ABCA12: variants seen among roughly 807,000 people sequenced by gnomAD.
ABCA12 encodes the protein ATP binding cassette subfamily A member 12, also known as glucosylceramide transporter ABCA12.
A neutral mutation model predicts 293.5 loss-of-function variants in ABCA12; 156 were observed. That is an observed-to-expected ratio of 0.53 (90% CI 0.47 to 0.61). ABCA12 has a LOEUF of 0.61. ABCA12 is among the 20% of genes least tolerant of loss of function. The probability of loss-of-function intolerance (pLI) is 0.00; values close to 1 mark genes in which losing one functional copy is unlikely to be tolerated. For synonymous variants in ABCA12, 1,063 were observed against 1,108.0 expected, an observed-to-expected ratio of 0.96 and a Z score of 0.81; for missense variants, 2,797 against 3,090.2, an observed-to-expected ratio of 0.91 and a Z score of 2.25.
chr2:214,938,897 T>C (rs1698308261), intron 50 of ABCA12, among the ~76,000 whole-genome samples: 1 of 152,224 alleles, frequency 6.6e-6, no homozygotes, highest in Non-Finnish European at 1.5e-5. Flanking sequence ...TTTTCTCCCG[T>C]TCTGTAGGTT....
chr2:214,978,360 G>T lies in ABCA12; in HGVS notation c.5084C>A (p.Pro1695His), dbSNP rs753583925. ...GCTGCTGCTCACAGATAAATCGTCA[G>T]GAGTTGAGATGCCATTGGCATTGGA... ...GNSNANGIST[P>H]DDLSVSSSNF... Residue 1695 changes from proline (P) to histidine (H), a missense_variant, in exon 33 of 53, where the codon CCT becomes CAT. This residue lies in a region of ABCA12 where 2,130 missense variants were observed against 2,427.0 expected (regional missense o/e 0.88). Transcript: ENST00000272895. The T allele has an allele frequency of 1.2e-6, 2 of 1,614,030 alleles. No homozygotes were observed. Among genetic ancestry groups the T allele is most frequent in the Non-Finnish European group, 1.7e-6 (2 of 1,179,964 alleles).
chr2:214,958,368 A>G lies in ABCA12; in HGVS notation c.6026T>C (p.Val2009Ala). ...TTTGGCTTTGGTTTGATGTTCCCTT[A>G]CAACATAGGTGACAAAGCTGGCGGT... ...VTTASFVTYV[V>A]REHQTKAKQL... is the part of the protein sequence containing the mutation. The change falls in exon 41 of 53, where the codon GTA becomes GCA. Residue 2009 changes from valine to alanine, a missense_variant. Around this residue, in one of 3 missense-constraint regions of ABCA12, gnomAD observed 2,130 missense variants for 2,427.0 expected, o/e 0.88. Transcript: ENST00000272895. 6.2e-7 allele frequency: 1 copy of G among 1,614,042 alleles called. No homozygotes were observed. Among genetic ancestry groups the G allele is most frequent in the East Asian group, 2.2e-5 (1 of 44,870 alleles).
chr2:215,085,902 A>G (rs1308562139), intron 2 of ABCA12, among the ~76,000 whole-genome samples: 1 of 152,236 alleles, frequency 6.6e-6, no homozygotes, highest in Admixed American at 6.5e-5. Context: ...TTCCTAATAT[A>G]AATGAAAAAA....
intron 1 of ABCA12, among the ~76,000 whole-genome samples, chr2:215,113,337 C>G (rs569353024): frequency 6.6e-6 from 1 of 152,306 alleles, no homozygotes; most frequent in South Asian, 2.1e-4. Context: ...CCAAGGAATC[C>G]TGAGGCACTC....
At chr2:215,064,748 A>T (rs1395592296) in intron 2 of ABCA12, among the ~76,000 whole-genome samples, 1 of 151,396 alleles carries the variant, frequency 6.6e-6, no homozygotes, top group African/African-American at 2.4e-5. Flanking sequence ...TGTACTAAAA[A>T]ATCCAAAAGA....
rs1162332520 is a variant in ABCA12 at position 215,000,753 on chromosome 2, A to G, written c.3131T>C (p.Ile1044Thr). 1.9e-6 allele frequency: 3 copies of G among 1,613,932 alleles called. No individual in the cohort carries two copies. The highest frequency in any genetic ancestry group is 2.5e-6 in the Non-Finnish European group (3 of 1,179,962). ...AGGAATTGCTTGAACCTGGACTGCT[A>G]TTTCCTGGGAGTTCCTTCCAGTTTG... ...ELQTGRNSQE[I>T]AVQVQAIPYP... The change falls in exon 22 of 53, where the codon ATA (isoleucine) becomes ACA (threonine). Residue 1044 changes from isoleucine (I) to threonine (T), a missense_variant. Transcript: ENST00000272895.
chr2:214,933,413 A>G (rs1698121398), intron 52 of ABCA12, among the ~76,000 whole-genome samples: 1 of 152,138 alleles, frequency 6.6e-6, no homozygotes, highest in Non-Finnish European at 1.5e-5. Context: ...AAAGCCCCAC[A>G]AGAAGAGTTG....
chr2:215,097,850 AT>A (rs1181441836), intron 2 of ABCA12, among the ~76,000 whole-genome samples: 5 of 152,190 alleles, frequency 3.3e-5, no homozygotes. Flanking sequence ...TTAATGCCAA[AT>A]TTCCACATAA....
chr2:214,990,885 C>T lies in ABCA12; in HGVS notation c.3441G>A (p.Leu1147=), dbSNP rs759208839. The T allele has an allele frequency of 1.2e-6, 2 of 1,613,946 alleles. No homozygotes were observed. The highest frequency in any genetic ancestry group is 2.7e-5 in the African/African-American group (2 of 75,018). ...AGCTGTAGTCCGAAAAATACAGGAA[C>T]AAAATGAACCCATTTGTTTTAGGAA... ...NILPKTNGFI[L]FLYFSDYSFS... is the part of the protein sequence containing the mutation. The change falls in exon 24 of 53, where the codon TTG becomes TTA. Residue 1147 remains leucine (L), a synonymous_variant. Transcript: ENST00000272895.
intron 8 of ABCA12, 110 bp from the exon 9 acceptor site, chr2:215,032,006 C>T: frequency 6.3e-7 from 1 of 1,578,062 alleles, no homozygotes; most frequent in African/African-American, 1.3e-5. Context: ...ATGCAGAAAT[C>T]TGCAGAATCA....
intron 2 of ABCA12, among the ~76,000 whole-genome samples, chr2:215,105,581 ACACACACACACACACACACG>A (rs1038086228): frequency 5.2e-5 from 7 of 134,424 alleles, no homozygotes; most frequent in African/African-American, 2.1e-4. Flanking sequence ...GCTTCAAGAC[ACACACACACACACACACACG>A]CACACACACA....
intron 20 of ABCA12, among the ~76,000 whole-genome samples, chr2:215,002,167 G>A (rs377031491): frequency 6.6e-6 from 1 of 152,194 alleles, no homozygotes; most frequent in East Asian, 1.9e-4. Context: ...GAAAGTCTAT[G>A]TAGAATGCAT....
chr2:214,935,128 G>A (rs4672735), intron 51 of ABCA12, among the ~76,000 whole-genome samples: 79,289 of 151,982 alleles, frequency 0.52, 21,893 homozygotes, highest in African/African-American at 0.72. Context: ...ATTGCTTAGC[G>A]TCTCCCATTG....
intron 2 of ABCA12, among the ~76,000 whole-genome samples, chr2:215,098,668 C>T (rs750496786): frequency 6.6e-6 from 1 of 152,198 alleles, no homozygotes; most frequent in Non-Finnish European, 1.5e-5. Context: ...TCTCTACAGA[C>T]ATGAGTGACT....
rs1195860591 is a variant in ABCA12 at position 214,958,402 on chromosome 2, A to G, written c.5992T>C (p.Ser1998Pro). 1.2e-5 allele frequency: 19 copies of G among 1,613,922 alleles called. No homozygotes were observed. The highest frequency in any genetic ancestry group is 1.6e-5 in the Non-Finnish European group (19 of 1,179,922). ...GTGACAAAGCTGGCGGTGGTGACAG[A>G]GTAGCCCATCAAGATAGACAGTGCC... ...LVALSILMGY[S>P]VTTASFVTYV... The change falls in exon 41 of 53, where the codon TCT (serine) becomes CCT (proline). Residue 1998 changes from serine (S) to proline (P), a missense_variant. Ser to Pro is a moderately conservative substitution (Grantham distance 74, BLOSUM62 -1). Coordinates refer to ENST00000272895, the MANE Select transcript of ABCA12 (RefSeq NM_173076.3).
At chr2:215,036,840 C>T in intron 8 of ABCA12, 113 bp downstream of exon 8, 1 of 928,436 alleles carries the variant, frequency 1.1e-6, no homozygotes, top group Non-Finnish European at 1.7e-6. Context: ...TAGCATATGT[C>T]CCCACCTAAG....
intron 14 of ABCA12, 32 bp downstream of exon 14, chr2:215,017,976 C>T (rs756866648): frequency 3.7e-5 from 59 of 1,613,686 alleles, no homozygotes; most frequent in Non-Finnish European, 4.9e-5. Context: ...TTTCTAAGAA[C>T]TGCATGTAAG....
chr2:214,975,975 C>A lies in ABCA12; in HGVS notation c.5191G>T (p.Ala1731Ser). 1 of 1,614,078 alleles carries A rather than the reference C, an allele frequency of 6.2e-7. No individual in the cohort carries two copies. The highest frequency in any genetic ancestry group is 8.5e-7 in the Non-Finnish European group (1 of 1,180,000). The change falls in exon 34 of 53, where the codon GCT (alanine) becomes TCT (serine). Residue 1731 changes from alanine (A) to serine (S), a missense_variant. By Grantham distance (99) the Ala-to-Ser change is moderately conservative (BLOSUM62 1). Coordinates refer to ENST00000272895, the MANE Select transcript of ABCA12 (RefSeq NM_173076.3). ...TGGTGGAACCTCTTGATGAGTATAGCCATGATCTTCTTCAGCAACAGTCCA... is the reference window on the plus strand; with the variant it reads ...TGGTGGAACCTCTTGATGAGTATAGACATGATCTTCTTCAGCAACAGTCCA... Reference protein sequence around the residue: ...GFGLLLKKIMAILIKRFHHTR... With the variant: ...GFGLLLKKIMSILIKRFHHTR...
intron 50 of ABCA12, among the ~76,000 whole-genome samples, chr2:214,938,618 C>A (rs1489093977): frequency 1.3e-5 from 2 of 152,186 alleles, no homozygotes; most frequent in Non-Finnish European, 2.9e-5. Context: ...ACATCCTCTC[C>A]AGCATCTGTT....
Sources: allele counts gnomAD v4.1 joint callset (sites outside exome capture counted in the v4.1 genomes callset), GRCh38; gene constraint gnomAD v4.1.1; regional missense constraint gnomAD v4.1.1; transcripts MANE v1.5; gene names NCBI Gene and HGNC (gene_info 2026-07-23, HGNC 2026-07-21).